Variants in ARHGAP15 observed in about 807,000 individuals in gnomAD.
ARHGAP15 encodes rho GTPase-activating protein 15.
A neutral mutation model predicts 63.7 loss-of-function variants in ARHGAP15; 51 were observed. That is an observed-to-expected ratio of 0.80 (90% confidence interval 0.64 to 1.01). The LOEUF is 1.01. Among genes scored for constraint, ARHGAP15 ranks in the 50% least tolerant of loss-of-function variants. The pLI is 0.00. For synonymous variants in ARHGAP15, 191 were observed against 193.8 expected (o/e 0.99, Z 0.12); for missense variants, 560 against 564.6 (o/e 0.99, Z 0.08).
At position 143,291,622 on chromosome 2, in the gene ARHGAP15, G is replaced by A. The variant is rs559204304; in HGVS notation, c.474+41022G>A. Among the ~76,000 whole-genome samples, 4 of 152,184 alleles carry A rather than the reference G, an allele frequency of 2.6e-5. No homozygotes were observed. In the South Asian group the frequency reaches 6.2e-4, roughly 24 times the overall value. ...GGAGGCAGTGTGCTGGTAGATGCCA[G>A]GCAATCCAGACAGGATCCCATTATC... On this transcript the variant is annotated intron_variant, in intron 6 of 13. Coordinates refer to ENST00000295095, the MANE Select transcript of ARHGAP15 (RefSeq NM_018460.4).
At chr2:143,514,277 T>G (rs148209886) in intron 9 of ARHGAP15, among the ~76,000 whole-genome samples, 1,773 of 152,248 alleles carry the variant, frequency 0.012, 13 homozygotes, top group Non-Finnish European at 0.018. Context: ...ATGGAGCACA[T>G]GGTAGGTGTT....
At chr2:143,668,280 C>T (rs150941354) in intron 12 of ARHGAP15, among the ~76,000 whole-genome samples, 8 of 145,702 alleles carry the variant, frequency 5.5e-5, no homozygotes, top group Non-Finnish European at 9.1e-5. Context: ...ATTCTATTTT[C>T]TTTTTTTTTT....
intron 13 of ARHGAP15, among the ~76,000 whole-genome samples, chr2:143,764,038 T>C (rs1035624086): frequency 6.6e-6 from 1 of 151,998 alleles, no homozygotes; most frequent in African/African-American, 2.4e-5. Flanking sequence ...TGTTATTTTT[T>C]AAATTTATTT....
chr2:143,487,256 C>T, intron 8 of ARHGAP15, 117 bp from the exon 9 acceptor site: 1 of 1,211,242 alleles, frequency 8.3e-7, no homozygotes, highest in Non-Finnish European at 1.1e-6. Context: ...ACAGAAGAGC[C>T]TGAGCTATTA....
intron 10 of ARHGAP15, among the ~76,000 whole-genome samples, chr2:143,554,372 CT>C (rs1402654888): frequency 6.6e-6 from 1 of 152,094 alleles, no homozygotes; most frequent in Non-Finnish European, 1.5e-5. Context: ...CATTTGTCTG[CT>C]TCCAAATCCA....
At chr2:143,357,415 G>A (rs1328914025) in intron 6 of ARHGAP15, among the ~76,000 whole-genome samples, 2 of 151,354 alleles carry the variant, frequency 1.3e-5, no homozygotes, top group African/African-American at 2.4e-5. Context: ...AGCTATTATT[G>A]ATAAATACAA....
At chr2:143,468,145 A>C (rs1558991484) in intron 8 of ARHGAP15, among the ~76,000 whole-genome samples, 2 of 151,610 alleles carry the variant, frequency 1.3e-5, no homozygotes, top group African/African-American at 2.4e-5. Context: ...ACTTGTATAC[A>C]CACTAAAAAT....
intron 9 of ARHGAP15, among the ~76,000 whole-genome samples, chr2:143,502,887 T>C (rs1458080199): frequency 1.3e-5 from 2 of 152,192 alleles, no homozygotes; most frequent in Admixed American, 1.3e-4. Flanking sequence ...CCCCTGTGTG[T>C]GGATTCTTTC....
intron 2 of ARHGAP15, among the ~76,000 whole-genome samples, chr2:143,168,459 C>A (rs1296492196): frequency 6.6e-6 from 1 of 151,980 alleles, no homozygotes; most frequent in Non-Finnish European, 1.5e-5. Flanking sequence ...GATTACAGGC[C>A]TCAGCCACCA....
intron 6 of ARHGAP15, among the ~76,000 whole-genome samples, chr2:143,359,101 A>T (rs1484459831): frequency 1.3e-5 from 2 of 152,174 alleles, no homozygotes; most frequent in Non-Finnish European, 2.9e-5. Flanking sequence ...TCTTTTGATT[A>T]TGTTTGGTGC....
At position 143,250,566 on chromosome 2, in the gene ARHGAP15, C is replaced by A; in HGVS notation, c.440C>A (p.Ala147Asp). The change falls in exon 6 of 14, where the codon GCC becomes GAC. Residue 147 changes from alanine to aspartate, a missense_variant. Coordinates refer to ENST00000295095, the MANE Select transcript of ARHGAP15 (RefSeq NM_018460.4). ...VDLCGAHIEWAKEKSSRKNVF... is the reference protein window; with the variant it reads ...VDLCGAHIEWDKEKSSRKNVF... ...TTGTGTGGAGCACACATTGAATGGG[C>A]CAAGGAAAAATCGAGCAGAAAGAAT... The A allele has an allele frequency of 1.2e-6, 2 of 1,613,234 alleles. No homozygotes were observed. Among genetic ancestry groups the A allele is most frequent in the Non-Finnish European group, 1.7e-6 (2 of 1,179,460 alleles).
intron 11 of ARHGAP15, among the ~76,000 whole-genome samples, chr2:143,618,679 C>G (rs1214439330): frequency 4.6e-5 from 7 of 152,166 alleles, no homozygotes; most frequent in Admixed American, 1.3e-4. Flanking sequence ...GGTTACTCTT[C>G]TATTCTGGAT....
intron 9 of ARHGAP15, among the ~76,000 whole-genome samples, chr2:143,488,700 T>C (rs1274297051): frequency 1.3e-5 from 2 of 152,210 alleles, no homozygotes; most frequent in African/African-American, 4.8e-5. Flanking sequence ...TTAAATAATT[T>C]ATAACAACTG....
chr2:143,174,341 A>G (rs1167155897), intron 2 of ARHGAP15, among the ~76,000 whole-genome samples: 1 of 152,190 alleles, frequency 6.6e-6, no homozygotes, highest in Non-Finnish European at 1.5e-5. Flanking sequence ...AGTCACAAAA[A>G]GCTAAATGAA....
intron 6 of ARHGAP15, among the ~76,000 whole-genome samples, chr2:143,279,186 ATC>A (rs1443258005): frequency 6.6e-6 from 1 of 152,190 alleles, no homozygotes; most frequent in Non-Finnish European, 1.5e-5. Context: ...ATGAAGCGGT[ATC>A]TCTTTTATGG....
intron 11 of ARHGAP15, among the ~76,000 whole-genome samples, chr2:143,580,070 C>T (rs1342614241): frequency 6.7e-6 from 1 of 150,240 alleles, no homozygotes; most frequent in Non-Finnish European, 1.5e-5. Flanking sequence ...CCTAAATTTT[C>T]AATGATGTGA....
At chr2:143,626,801 C>T (rs1442124200) in intron 12 of ARHGAP15, among the ~76,000 whole-genome samples, 1 of 152,124 alleles carries the variant, frequency 6.6e-6, no homozygotes, top group Non-Finnish European at 1.5e-5. Flanking sequence ...AAAAGTTCTC[C>T]AAGTCCCCGC....
chr2:143,390,761 A>T (rs1404542686), intron 6 of ARHGAP15, among the ~76,000 whole-genome samples: 1 of 122,096 alleles, frequency 8.2e-6, no homozygotes, highest in Non-Finnish European at 1.8e-5. Context: ...ACACACACAC[A>T]CACACGTGCA....
intron 12 of ARHGAP15, among the ~76,000 whole-genome samples, chr2:143,694,261 A>G (rs947003899): frequency 2.6e-5 from 4 of 152,130 alleles, no homozygotes; most frequent in Non-Finnish European, 5.9e-5. Flanking sequence ...TTTCTGGGGG[A>G]AATGGTGAAA....
Sources: allele counts gnomAD v4.1 joint callset (sites outside exome capture counted in the v4.1 genomes callset), GRCh38; gene constraint gnomAD v4.1.1; transcripts MANE v1.5; gene names NCBI Gene and HGNC (gene_info 2026-07-23, HGNC 2026-07-21).